Variants in MPDZ observed in about 807,000 individuals in gnomAD.
MPDZ encodes the protein multiple PDZ domain protein.
Under a neutral mutation model 239.1 loss-of-function variants are expected in MPDZ, and 234 were observed. The ratio of observed to expected loss-of-function variants is 0.98; its 90% confidence interval spans 0.88 to 1.09. The LOEUF is 1.09. Among genes scored for constraint, MPDZ ranks in the 50% least tolerant of loss-of-function variants. MPDZ has a pLI of 0.00. For synonymous variants in MPDZ, 1,048 were observed against 881.3 expected, an observed-to-expected ratio of 1.19 and a Z score of -3.35; for missense variants, 3,175 against 2,510.0, an observed-to-expected ratio of 1.26 and a Z score of -5.66.
Position 13,125,425 on chromosome 9 carries a change from T to C in MPDZ, c.4633-35A>G, listed in dbSNP as rs1010658274. The C allele has an allele frequency of 6.3e-6, 10 of 1,585,124 alleles. No homozygotes were observed. In the African/African-American group the frequency reaches 1.2e-4, roughly 19 times the overall value. ...TGTATGTGTGGAAGAGAAACAAAAT[T>C]CAAAGCTGAATTAGTAGACATACCA... On this transcript the variant is annotated intron_variant, in intron 34 of 46. Coordinates refer to ENST00000319217, the MANE Select transcript of MPDZ (RefSeq NM_001378778.1).
intron 22 of MPDZ, chr9:13,165,561 C>A: frequency 1.4e-6 from 1 of 723,002 alleles, no homozygotes; most frequent in African/African-American, 1.8e-5. Flanking sequence ...CCCATCTACA[C>A]CTCCCCCAGA....
rs776595678 is a variant in MPDZ at position 13,126,719 on chromosome 9, G to A, written c.4518C>T (p.Val1506=). ...CATGCTCTGTTAAGCTCTTTATGATGACTCCACTGAGTGTATCTTCTTCGC... is the reference window on the plus strand; with the variant it reads ...CATGCTCTGTTAAGCTCTTTATGATAACTCCACTGAGTGTATCTTCTTCGC... ...AISEEDTLSG[V]IIKSLTEHGV... The change falls in exon 33 of 47, where the codon GTC becomes GTT. Residue 1506 remains valine (V), a synonymous_variant. Transcript: ENST00000319217. The A allele has an allele frequency of 6.2e-7, 1 of 1,613,858 alleles. No individual in the cohort carries two copies. Among genetic ancestry groups the A allele is most frequent in the East Asian group, 2.2e-5 (1 of 44,848 alleles).
At chr9:13,227,886 T>A (rs202199606) in intron 3 of MPDZ, among the ~76,000 whole-genome samples, 1 of 152,084 alleles carries the variant, frequency 6.6e-6, no homozygotes, top group Non-Finnish European at 1.5e-5. Flanking sequence ...CATACAAAAG[T>A]CTTATTTATA....
At chr9:13,136,325 C>CTTTTTTTTTTTTGTTTTTT (rs1946759129) in intron 30 of MPDZ, 143 bp from the exon 31 acceptor site, 1 of 146,224 alleles carries the variant, frequency 6.8e-6, no homozygotes. Context: ...CAAACGTTTT[C>CTTTTTTTTTTTTGTTTTTT]TTTTTTTTTT....
intron 32 of MPDZ, among the ~76,000 whole-genome samples, chr9:13,129,242 C>T (rs1945570963): frequency 6.6e-6 from 1 of 152,114 alleles, no homozygotes; most frequent in Admixed American, 6.6e-5. Flanking sequence ...GCAGGTGGAT[C>T]ACCTGAGGTC....
intron 38 of MPDZ, among the ~76,000 whole-genome samples, chr9:13,121,449 T>C (rs1036345278): frequency 6.6e-6 from 1 of 152,232 alleles, no homozygotes; most frequent in Non-Finnish European, 1.5e-5. Context: ...TCAGGAACCA[T>C]GTCTTATTTA....
chr9:13,122,478 T>C (rs1944496693), intron 36 of MPDZ, among the ~76,000 whole-genome samples: 1 of 151,992 alleles, frequency 6.6e-6, no homozygotes, highest in African/African-American at 2.4e-5. Flanking sequence ...AAGGTATTTT[T>C]GACATCTAGA....
intron 45 of MPDZ, 47 bp downstream of exon 45, chr9:13,109,905 G>C: frequency 1.4e-6 from 2 of 1,464,290 alleles, no homozygotes; most frequent in Non-Finnish European, 1.9e-6. Flanking sequence ...AGGAAGACTT[G>C]ATTCATAAGT....
At chr9:13,120,014 GA>G (rs570088034) in intron 38 of MPDZ, 321 of 211,956 alleles carry the variant, frequency 1.5e-3, no homozygotes, top group Non-Finnish European at 2.3e-3. Flanking sequence ...TTCCAAATCA[GA>G]ATGGAGCTTT....
Position 13,219,789 on chromosome 9 carries a change from T to G in MPDZ, c.877-21A>C, listed in dbSNP as rs575733814. On this transcript the variant is annotated intron_variant, in intron 7 of 46. Coordinates refer to ENST00000319217, the MANE Select transcript of MPDZ (RefSeq NM_001378778.1). ...CCATGCTGAGTAAAACAATATTGAATAATTAGACTATTATTATTTTAACTG... is the reference window on the plus strand; with the variant it reads ...CCATGCTGAGTAAAACAATATTGAAGAATTAGACTATTATTATTTTAACTG... 34 of 1,603,050 alleles carry G rather than the reference T, an allele frequency of 2.1e-5. No individual in the cohort carries two copies. The Admixed American group carries it at 4.9e-4, about 23-fold the overall frequency.
intron 40 of MPDZ, among the ~76,000 whole-genome samples, chr9:13,114,469 G>A (rs1943036767): frequency 6.6e-6 from 1 of 152,300 alleles, no homozygotes; most frequent in Non-Finnish European, 1.5e-5. Flanking sequence ...ACACTGAGGA[G>A]AAGGTCAAGA....
At chr9:13,274,726 A>G (rs1973780143) in intron 1 of MPDZ, 1 of 152,160 alleles carries the variant, frequency 6.6e-6, no homozygotes. Flanking sequence ...TATGCCATAC[A>G]TTACCCCACA....
chr9:13,160,852 ATATATATATATATATAT>A lies in MPDZ; in HGVS notation c.3359+1822_3359+1838del, dbSNP rs1950385793. On this transcript the variant is annotated intron_variant, in intron 23 of 46. Transcript: ENST00000319217. ...AAATTATATATATATATATATATAT[ATATATATATATATATAT>A]AAAACAGGTACTTACATAGCTTTTA... Among the ~76,000 whole-genome samples the A allele has an allele frequency of 3.2e-5, 4 of 125,452 alleles. No homozygotes were observed. In the South Asian group the frequency reaches 1.1e-3, roughly 33 times the overall value. 82.3% of individuals were successfully genotyped at this position (125,452 alleles called of 152,430 possible).
At chr9:13,129,051 A>G (rs1370459587) in intron 32 of MPDZ, among the ~76,000 whole-genome samples, 1 of 152,216 alleles carries the variant, frequency 6.6e-6, no homozygotes, top group Admixed American at 6.5e-5. Flanking sequence ...ATTTGCAATA[A>G]GAGGAGTCCT....
chr9:13,189,505 T>C (rs952352667), intron 16 of MPDZ, among the ~76,000 whole-genome samples: 1 of 152,178 alleles, frequency 6.6e-6, no homozygotes, highest in East Asian at 1.9e-4. Context: ...CTTAATGTTT[T>C]AACAAGGCTC....
Position 13,205,070 on chromosome 9 carries a change from C to T in MPDZ, c.1512G>A (p.Thr504=), listed in dbSNP as rs1213200098. ...CAGTTGGTAATATGTTGGTGTTTCT[C>T]GTCGAAGATAAAAAATCTTCATCTT... is the stretch of plus-strand genomic sequence containing the variant. ...YEKDEDFLSS[T]RNTNILPTEE... The change falls in exon 12 of 47, where the codon ACG becomes ACA. Residue 504 remains threonine (T), a synonymous_variant. Coordinates refer to ENST00000319217, the MANE Select transcript of MPDZ (RefSeq NM_001378778.1). 6 of 1,459,340 alleles carry T rather than the reference C, an allele frequency of 4.1e-6. No homozygotes were observed. The highest frequency in any genetic ancestry group is 2.9e-5 in the African/African-American group (2 of 68,146). The allele number at this position is 1,459,340 out of a possible 1,614,324, so 90.4% of individuals were successfully genotyped here. A position where few individuals can be genotyped will look rare whatever the true frequency, so the allele number is the denominator to read the frequency against.
intron 1 of MPDZ, among the ~76,000 whole-genome samples, chr9:13,264,511 C>G (rs113122320): frequency 2.6e-5 from 4 of 152,276 alleles, no homozygotes; most frequent in African/African-American, 9.6e-5. Context: ...AGTGGTGTGT[C>G]TGGGATCAGA....
At chr9:13,134,987 C>T (rs1327004727) in intron 31 of MPDZ, 1 of 152,248 alleles carries the variant, frequency 6.6e-6, no homozygotes, top group Non-Finnish European at 1.5e-5. Context: ...TCTAAATGCT[C>T]TCTGTAGCAA....
Position 13,126,660 on chromosome 9 carries a change from G to T in MPDZ, c.4557+20C>A. ...TTCCCTCCCCAACTACTTAATGACA[G>T]CAAGAAAGGTAAACCTCACCGTGGC... On this transcript the variant is annotated intron_variant, in intron 33 of 46. Coordinates refer to ENST00000319217, the MANE Select transcript of MPDZ (RefSeq NM_001378778.1). 1 of 1,612,080 alleles carries T rather than the reference G, an allele frequency of 6.2e-7. No individual in the cohort carries two copies. Among genetic ancestry groups the T allele is most frequent in the Admixed American group, 1.7e-5 (1 of 59,992 alleles).
Sources: gnomAD v4.1 joint callset for allele counts (sites outside exome capture counted in the v4.1 genomes callset) on GRCh38, gnomAD v4.1.1 for gene constraint, MANE v1.5 for transcripts, NCBI Gene and HGNC (gene_info 2026-07-23, HGNC 2026-07-21) for gene names.